Variants in RBPMS observed in about 807,000 individuals in gnomAD.
RBPMS encodes the protein RNA-binding protein with multiple splicing.
In RBPMS, 7 loss-of-function variants were observed where a neutral mutation model predicts 26.8. That is an observed-to-expected ratio of 0.26 (90% CI 0.15 to 0.49). The LOEUF (loss-of-function observed/expected upper bound fraction) is 0.49. Ranked by LOEUF, RBPMS falls within the 20% of genes least tolerant of loss-of-function variation. The pLI, the probability that RBPMS is intolerant of heterozygous loss-of-function variation, is 0.98. For missense variants in RBPMS, 186 were observed against 250.0 expected (o/e 0.74, Z 1.73); for synonymous variants, 96 against 93.3 (o/e 1.03, Z -0.17).
chr8:30,385,020 C>G lies in RBPMS; in HGVS notation c.-73C>G, dbSNP rs1806842347. 8.7e-6 allele frequency: 11 copies of G among 1,269,412 alleles called. No individual in the cohort carries two copies. The South Asian group carries it at 1.6e-4, about 18-fold the overall frequency. 78.6% of individuals were successfully genotyped at this position (1,269,412 alleles called of 1,614,324 possible). A position where few individuals can be genotyped will look rare whatever the true frequency, so the allele number is the denominator to read the frequency against. ...GGAGCCCCGGCGCCCGGGGAAGGCT[C>G]CAGTGGGCTAGCGCGCCCTCGCCCA... On this transcript the variant is annotated 5_prime_UTR_variant, in exon 1 of 9. Coordinates refer to ENST00000397323, the MANE Select transcript of RBPMS (RefSeq NM_001008710.3).
intron 6 of RBPMS, among the ~76,000 whole-genome samples, chr8:30,551,428 G>C (rs553724392): frequency 2.0e-5 from 3 of 152,300 alleles, no homozygotes; most frequent in African/African-American, 7.2e-5. Flanking sequence ...AGAAATCACA[G>C]TATTATTCAG....
intron 1 of RBPMS, among the ~76,000 whole-genome samples, chr8:30,411,894 G>A (rs1158723108): frequency 6.6e-6 from 1 of 151,648 alleles, no homozygotes; most frequent in African/African-American, 2.4e-5. Flanking sequence ...GCTGAGGCAG[G>A]AGAATTGCTT....
chr8:30,496,192 G>A (rs1819923982), intron 4 of RBPMS, among the ~76,000 whole-genome samples: 1 of 145,082 alleles, frequency 6.9e-6, no homozygotes, highest in Non-Finnish European at 1.5e-5. Flanking sequence ...TTTTTGAGAC[G>A]GAGTCTTGCT....
intron 1 of RBPMS, among the ~76,000 whole-genome samples, chr8:30,392,438 G>T (rs1309785555): frequency 6.6e-6 from 1 of 152,126 alleles, no homozygotes; most frequent in Non-Finnish European, 1.5e-5. Flanking sequence ...TGGGGAGGGG[G>T]CACTGGCCCA....
intron 5 of RBPMS, among the ~76,000 whole-genome samples, chr8:30,524,737 G>A (rs1410720142): frequency 5.3e-5 from 8 of 152,120 alleles, no homozygotes; most frequent in Non-Finnish European, 1.0e-4. Context: ...AAACTATCCA[G>A]CCATTGATAA....
chr8:30,417,638 T>C (rs1810252406), intron 1 of RBPMS, among the ~76,000 whole-genome samples: 1 of 152,230 alleles, frequency 6.6e-6, no homozygotes, highest in African/African-American at 2.4e-5. Context: ...TGACCACAGT[T>C]AACGGTTTAA....
intron 4 of RBPMS, among the ~76,000 whole-genome samples, chr8:30,489,515 G>T (rs557923480): frequency 5.0e-4 from 76 of 152,270 alleles, no homozygotes; most frequent in Middle Eastern, 6.8e-3. Flanking sequence ...GAGTGCAGTG[G>T]CTCACTGCAA....
At chr8:30,563,156 G>A (rs1827634735) in intron 7 of RBPMS, among the ~76,000 whole-genome samples, 1 of 152,018 alleles carries the variant, frequency 6.6e-6, no homozygotes, top group African/African-American at 2.4e-5. Context: ...CTGTTCCTGT[G>A]GCATAAGCAA....
intron 5 of RBPMS, among the ~76,000 whole-genome samples, chr8:30,539,791 C>T (rs1346307138): frequency 6.6e-6 from 1 of 151,820 alleles, no homozygotes; most frequent in African/African-American, 2.4e-5. Context: ...ACACTCAGCT[C>T]AGTTTTTTAT....
intron 1 of RBPMS, chr8:30,446,854 C>CGCGCGCGCGCGCGCGCACGT (rs1554515792): frequency 7.2e-6 from 1 of 138,008 alleles, no homozygotes; most frequent in African/African-American, 2.9e-5. Context: ...CGCGCGCGCG[C>CGCGCGCGCGCGCGCGCACGT]GCGCGGTGGA....
chr8:30,483,399 A>G (rs1002279910), intron 4 of RBPMS, among the ~76,000 whole-genome samples: 6 of 152,082 alleles, frequency 3.9e-5, no homozygotes, highest in African/African-American at 1.4e-4. Context: ...TTCCCAACCA[A>G]AATTGCTTAG....
intron 1 of RBPMS, among the ~76,000 whole-genome samples, chr8:30,465,274 A>G (rs1483078634): frequency 6.6e-6 from 1 of 152,178 alleles, no homozygotes; most frequent in Non-Finnish European, 1.5e-5. Flanking sequence ...CCTAATTCAC[A>G]CATTAAATTC....
chr8:30,469,665 C>T (rs1271400856), intron 1 of RBPMS, among the ~76,000 whole-genome samples: 4 of 152,214 alleles, frequency 2.6e-5, no homozygotes, highest in Non-Finnish European at 4.4e-5. Flanking sequence ...TAAACATCTG[C>T]GGATGCTAAA....
intron 1 of RBPMS, among the ~76,000 whole-genome samples, chr8:30,472,335 G>C (rs1379362732): frequency 6.6e-6 from 1 of 152,192 alleles, no homozygotes; most frequent in African/African-American, 2.4e-5. Flanking sequence ...GGTTCCCTCT[G>C]TATATGTAAG....
intron 1 of RBPMS, among the ~76,000 whole-genome samples, chr8:30,423,371 T>G (rs2150631980): frequency 6.6e-6 from 1 of 152,342 alleles, no homozygotes; most frequent in East Asian, 1.9e-4. Flanking sequence ...GCTTGGCACC[T>G]CTTTCCTCTT....
At chr8:30,472,866 A>G (rs766553446) in intron 1 of RBPMS, among the ~76,000 whole-genome samples, 1 of 152,160 alleles carries the variant, frequency 6.6e-6, no homozygotes, top group African/African-American at 2.4e-5. Context: ...TCTTGAGCTC[A>G]GGAGTTTGAG....
At chr8:30,454,260 T>TA (rs1814943378) in intron 1 of RBPMS, among the ~76,000 whole-genome samples, 1 of 152,256 alleles carries the variant, frequency 6.6e-6, no homozygotes, top group Admixed American at 6.5e-5. Flanking sequence ...TAACGAGTAT[T>TA]AACTTAGTGT....
At chr8:30,514,129 AGT>A in intron 5 of RBPMS, among the ~76,000 whole-genome samples, 1 of 152,322 alleles carries the variant, frequency 6.6e-6, no homozygotes, top group African/African-American at 2.4e-5. Context: ...GCAGCAGTAA[AGT>A]GTGCATCCTC....
At chr8:30,391,595 G>C (rs993035777) in intron 1 of RBPMS, among the ~76,000 whole-genome samples, 1 of 152,242 alleles carries the variant, frequency 6.6e-6, no homozygotes, top group African/African-American at 2.4e-5. Context: ...GTATGAACAA[G>C]TCAGTTCCAT....
Sources: allele counts gnomAD v4.1 joint callset (sites outside exome capture counted in the v4.1 genomes callset), GRCh38; gene constraint gnomAD v4.1.1; transcripts MANE v1.5; gene names NCBI Gene and HGNC (gene_info 2026-07-23, HGNC 2026-07-21).